ADAM2: variants seen among roughly 807,000 people sequenced by gnomAD.
The protein encoded by ADAM2 is ADAM metallopeptidase domain 2.
ADAM2 carries 101 observed loss-of-function variants against 99.3 expected under a neutral mutation model. That is an observed-to-expected ratio of 1.02 (90% CI 0.87 to 1.20). The LOEUF (loss-of-function observed/expected upper bound fraction) is 1.20, where lower values mean the gene tolerates loss of function less well. ADAM2 is among the 50% of genes most tolerant of loss of function. The pLI, the probability that ADAM2 is intolerant of heterozygous loss-of-function variation, is 0.00. For synonymous variants in ADAM2, 323 were observed against 287.6 expected (o/e 1.12, Z -1.25); for missense variants, 948 against 878.7 (o/e 1.08, Z -1.00).
chr8:39,814,005 A>G (rs1288652474), intron 6 of ADAM2, among the ~76,000 whole-genome samples: 5 of 152,100 alleles, frequency 3.3e-5, no homozygotes, highest in Non-Finnish European at 5.9e-5. Flanking sequence ...AAAACTACAC[A>G]GATGCATGAG....
intron 7 of ADAM2, among the ~76,000 whole-genome samples, chr8:39,804,339 G>A (rs114095482): frequency 5.7e-4 from 87 of 152,194 alleles, no homozygotes; most frequent in African/African-American, 1.9e-3. Flanking sequence ...AGGGAATGAC[G>A]GTAATCATGA....
chr8:39,831,190 C>T (rs1023632971), intron 3 of ADAM2, among the ~76,000 whole-genome samples: 3 of 152,092 alleles, frequency 2.0e-5, no homozygotes, highest in African/African-American at 7.2e-5. Flanking sequence ...AGACCCTGGA[C>T]AAAAGGATGC....
chr8:39,772,715 A>C (rs1214749416), intron 11 of ADAM2, among the ~76,000 whole-genome samples: 1 of 152,058 alleles, frequency 6.6e-6, no homozygotes, highest in Non-Finnish European at 1.5e-5. Flanking sequence ...TTCTCACCAC[A>C]AAATTACAAA....
In ADAM2 at chr8:39,827,559, A is replaced by G. The variant is rs573314281; in HGVS notation, c.189-2662T>C. Among the ~76,000 whole-genome samples the G allele has an allele frequency of 2.2e-3, 340 of 152,280 alleles. 2 individuals are homozygous for G. Among genetic ancestry groups the G allele is most frequent in the Non-Finnish European group, 3.8e-3 (258 of 67,986 alleles). On this transcript the variant is annotated intron_variant, in intron 3 of 20. Transcript: ENST00000265708. The stretch of plus-strand genomic sequence containing the variant: ...GGAATACTAGGCAGTCATAAAAACA[A>G]AAGAAATTCTTTCATTTGCTACAGG...
intron 7 of ADAM2, 118 bp from the exon 8 acceptor site, chr8:39,788,858 A>G: frequency 1.9e-6 from 1 of 531,316 alleles, no homozygotes; most frequent in South Asian, 6.0e-5. Flanking sequence ...TTACAAACAT[A>G]TTAGTTTTTA....
intron 6 of ADAM2, among the ~76,000 whole-genome samples, chr8:39,820,598 G>T (rs901527961): frequency 6.6e-6 from 1 of 152,044 alleles, no homozygotes; most frequent in Non-Finnish European, 1.5e-5. Context: ...AAAATATAAT[G>T]ACCTCCCCTG....
intron 14 of ADAM2, among the ~76,000 whole-genome samples, chr8:39,761,581 G>A (rs564025583): frequency 7.2e-5 from 11 of 152,266 alleles, no homozygotes; most frequent in East Asian, 3.9e-4. Flanking sequence ...CTATTAGTAC[G>A]TAGGAAACTT....
At chr8:39,825,706 C>T (rs984798797) in intron 3 of ADAM2, among the ~76,000 whole-genome samples, 9 of 151,658 alleles carry the variant, frequency 5.9e-5, no homozygotes, top group South Asian at 2.1e-4. Context: ...TTTGAAGAAA[C>T]GAATAATTCT....
chr8:39,769,055 A>C (rs1802675861), intron 12 of ADAM2, among the ~76,000 whole-genome samples: 1 of 152,220 alleles, frequency 6.6e-6, no homozygotes, highest in East Asian at 1.9e-4. Context: ...TCTAGATTTT[A>C]GTAAATATTT....
At chr8:39,829,182 A>G (rs1462765115) in intron 3 of ADAM2, among the ~76,000 whole-genome samples, 1 of 151,954 alleles carries the variant, frequency 6.6e-6, no homozygotes, top group Admixed American at 6.6e-5. Flanking sequence ...TTAGAGGATT[A>G]TATAAGATTT....
chr8:39,812,374 C>T (rs1804740767), intron 6 of ADAM2, among the ~76,000 whole-genome samples: 1 of 152,162 alleles, frequency 6.6e-6, no homozygotes, highest in African/African-American at 2.4e-5. Context: ...GGATTCAATG[C>T]CATCCCCATC....
chr8:39,831,971 T>C (rs113345230), intron 3 of ADAM2, among the ~76,000 whole-genome samples: 3,314 of 152,202 alleles, frequency 0.022, 109 homozygotes, highest in African/African-American at 0.069. Context: ...GGATGTTAAT[T>C]CTCAAATTGA....
intron 7 of ADAM2, among the ~76,000 whole-genome samples, chr8:39,789,202 G>T (rs1032167992): frequency 6.6e-5 from 10 of 151,444 alleles, no homozygotes; most frequent in Non-Finnish European, 1.2e-4. Context: ...AAACATGTAT[G>T]CAACCAAAAA....
chr8:39,818,967 C>T (rs1805064543), intron 6 of ADAM2, among the ~76,000 whole-genome samples: 2 of 151,986 alleles, frequency 1.3e-5, no homozygotes, highest in Non-Finnish European at 2.9e-5. Flanking sequence ...CAGTATTCCT[C>T]AGGTTTATCT....
At position 39,787,042 on chromosome 8, in the gene ADAM2, A is replaced by T. The variant is rs1471200253; in HGVS notation, c.823T>A (p.Ser275Thr). The change falls in exon 10 of 21, where the codon TCA (serine) becomes ACA (threonine). Residue 275 changes from serine (S) to threonine (T), a missense_variant. Coordinates refer to ENST00000265708, the MANE Select transcript of ADAM2 (RefSeq NM_001464.5). ...VAFLLVYREK[S>T]NYVGATFQGK... The stretch of plus-strand genomic sequence containing the variant: ...TGAAAGGTTGCACCAACATAATTTG[A>T]CTTTTCTCTGTAACTTAAGTTTAAA... 6.3e-7 allele frequency: 1 copy of T among 1,592,564 alleles called. No individual in the cohort carries two copies. The highest frequency in any genetic ancestry group is 8.6e-7 in the Non-Finnish European group (1 of 1,168,812).
intron 7 of ADAM2, among the ~76,000 whole-genome samples, chr8:39,795,360 C>T (rs1803894201): frequency 1.3e-5 from 2 of 152,230 alleles, no homozygotes; most frequent in Admixed American, 6.5e-5. Flanking sequence ...CAGGAAAAGA[C>T]AACAGCACAG....
intron 11 of ADAM2, among the ~76,000 whole-genome samples, chr8:39,770,272 T>C (rs1195434463): frequency 2.0e-5 from 3 of 152,196 alleles, no homozygotes; most frequent in Non-Finnish European, 4.4e-5. Flanking sequence ...TTAAGAAATC[T>C]ATATTTATTC....
chr8:39,769,262 C>A, intron 12 of ADAM2, 130 bp downstream of exon 12: 2 of 651,016 alleles, frequency 3.1e-6, no homozygotes, highest in South Asian at 2.0e-5. Flanking sequence ...GTTATAATAC[C>A]TACATGCCCT....
chr8:39,755,710 G>A lies in ADAM2; in HGVS notation c.1797+18C>T. 1 of 1,586,500 alleles carries A rather than the reference G, an allele frequency of 6.3e-7. No individual in the cohort carries two copies. The highest frequency in any genetic ancestry group is 8.6e-7 in the Non-Finnish European group (1 of 1,160,474). ...TCTAAAATATTAGGAAATTATTTGG[G>A]AATAAAAGACTACCTACCTTATTTG... On this transcript the variant is annotated intron_variant, in intron 16 of 20. Coordinates refer to ENST00000265708, the MANE Select transcript of ADAM2 (RefSeq NM_001464.5).
Sources: gnomAD v4.1 joint callset for allele counts (sites outside exome capture counted in the v4.1 genomes callset) on GRCh38, gnomAD v4.1.1 for gene constraint, MANE v1.5 for transcripts, NCBI Gene and HGNC (gene_info 2026-07-23, HGNC 2026-07-21) for gene names.